Variants in B3GALT1 observed in about 807,000 individuals in gnomAD.
B3GALT1 encodes the protein UDP-Gal:betaGlcNAc beta 1,3-galactosyltransferase, polypeptide 1.
Under a neutral mutation model 23.2 loss-of-function variants are expected in B3GALT1, and 10 were observed. The ratio of observed to expected loss-of-function variants is 0.43; its 90% CI spans 0.27 to 0.73. B3GALT1 has a LOEUF of 0.73. Ranked by LOEUF, B3GALT1 falls within the 30% of genes least tolerant of loss-of-function variation. The probability of loss-of-function intolerance (pLI) is 0.21; values close to 1 mark genes in which losing one functional copy is unlikely to be tolerated. For missense variants in B3GALT1, 299 were observed against 405.4 expected (o/e 0.74, Z 2.25); for synonymous variants, 156 against 141.5 (o/e 1.10, Z -0.73).
chr2:167,698,896 CTT>C (rs1266189649), intron 3 of B3GALT1, among the ~76,000 whole-genome samples: 1 of 152,174 alleles, frequency 6.6e-6, no homozygotes, highest in Non-Finnish European at 1.5e-5. Context: ...TTTTTCTCTA[CTT>C]ATCATTGAAT....
intron 3 of B3GALT1, among the ~76,000 whole-genome samples, chr2:167,739,287 G>C (rs1687538457): frequency 6.6e-6 from 1 of 152,168 alleles, no homozygotes; most frequent in African/African-American, 2.4e-5. Flanking sequence ...AGGATAGCTT[G>C]GTGAAGTGAT....
intron 2 of B3GALT1, among the ~76,000 whole-genome samples, chr2:167,513,668 T>C (rs368617401): frequency 2.6e-5 from 4 of 152,144 alleles, no homozygotes; most frequent in African/African-American, 9.7e-5. Flanking sequence ...GAACCAAAAT[T>C]AGCAAACTCT....
chr2:167,546,608 T>G (rs1324320988), intron 2 of B3GALT1, among the ~76,000 whole-genome samples: 5 of 152,082 alleles, frequency 3.3e-5, no homozygotes, highest in African/African-American at 1.2e-4. Flanking sequence ...GTAAGCTAAT[T>G]CTTCACTACA....
At chr2:167,861,568 C>T (rs1014279319) in intron 4 of B3GALT1, among the ~76,000 whole-genome samples, 4 of 152,136 alleles carry the variant, frequency 2.6e-5, no homozygotes, top group Non-Finnish European at 5.9e-5. Context: ...GAGACAAAAA[C>T]TTAGTAAAAG....
chr2:167,860,955 T>A (rs1690088424), intron 4 of B3GALT1, among the ~76,000 whole-genome samples: 1 of 152,132 alleles, frequency 6.6e-6, no homozygotes, highest in South Asian at 2.1e-4. Context: ...TAATTACAAA[T>A]TTTTCAACCT....
intron 2 of B3GALT1, among the ~76,000 whole-genome samples, chr2:167,570,124 CTCT>C (rs1323807482): frequency 6.6e-6 from 1 of 151,584 alleles, no homozygotes; most frequent in Non-Finnish European, 1.5e-5. Context: ...TGGTTTGTAC[CTCT>C]TCTTACATTG....
chr2:167,542,448 T>C (rs1163151800), intron 2 of B3GALT1, among the ~76,000 whole-genome samples: 1 of 152,130 alleles, frequency 6.6e-6, no homozygotes. Context: ...TTCCCTAAAA[T>C]CTCCATGTTG....
chr2:167,559,000 GCCT>G (rs1362373532), intron 2 of B3GALT1, among the ~76,000 whole-genome samples: 2 of 152,228 alleles, frequency 1.3e-5, no homozygotes, highest in Admixed American at 6.5e-5. Context: ...CGGGCAGACT[GCCT>G]CCTCAAGTGG....
intron 1 of B3GALT1, among the ~76,000 whole-genome samples, chr2:167,376,982 A>G (rs1381991488): frequency 1.3e-5 from 2 of 152,140 alleles, no homozygotes; most frequent in Non-Finnish European, 1.5e-5. Context: ...ACTTAGCGCT[A>G]TAAACTTTGT....
intron 4 of B3GALT1, among the ~76,000 whole-genome samples, chr2:167,859,533 G>T (rs1004957710): frequency 6.6e-6 from 1 of 152,032 alleles, no homozygotes; most frequent in Non-Finnish European, 1.5e-5. Flanking sequence ...TCCTCTTTCA[G>T]GTCGGCCCCA....
chr2:167,336,956 T>A (rs1421643993), intron 1 of B3GALT1, among the ~76,000 whole-genome samples: 1 of 152,124 alleles, frequency 6.6e-6, no homozygotes, highest in African/African-American at 2.4e-5. Context: ...ACAGTTGGGT[T>A]ATGGTGCAAA....
intron 1 of B3GALT1, among the ~76,000 whole-genome samples, chr2:167,313,417 G>A (rs1309115960): frequency 6.6e-6 from 1 of 152,098 alleles, no homozygotes; most frequent in Non-Finnish European, 1.5e-5. Flanking sequence ...ACGAGTAATA[G>A]AATAGTTTTA....
intron 2 of B3GALT1, among the ~76,000 whole-genome samples, chr2:167,563,178 C>G (rs1480952846): frequency 6.6e-6 from 1 of 151,872 alleles, no homozygotes; most frequent in African/African-American, 2.4e-5. Flanking sequence ...ACCTCCCAGA[C>G]AGGGTGGTGG....
intron 3 of B3GALT1, among the ~76,000 whole-genome samples, chr2:167,766,867 T>G (rs915701975): frequency 1.3e-5 from 2 of 152,144 alleles, no homozygotes; most frequent in Admixed American, 1.3e-4. Flanking sequence ...AACAAAAAAG[T>G]GCCTTAAGCA....
rs111840904 is a variant in B3GALT1, at chr2:167,329,065, G to A, written c.-511+35731G>A. 2.8e-3 allele frequency among the ~76,000 whole-genome samples: 421 copies of A among 151,910 alleles called. 2 individuals carry two copies. The highest frequency in any genetic ancestry group is 9.3e-3 in the African/African-American group (386 of 41,428). ...TGACCTCAGGTGATCCACCTACCTC[G>A]GCCTCCCAAAGTGCTGGGATTACAC... is the stretch of plus-strand genomic sequence containing the variant. On this transcript the variant is annotated intron_variant, in intron 1 of 4. Coordinates refer to ENST00000392690, the MANE Select transcript of B3GALT1 (RefSeq NM_020981.4).
At chr2:167,685,943 G>T (rs989347906) in intron 3 of B3GALT1, among the ~76,000 whole-genome samples, 2 of 151,998 alleles carry the variant, frequency 1.3e-5, no homozygotes, top group African/African-American at 4.8e-5. Context: ...AAATAAAAAA[G>T]GTCACTTTTA....
intron 2 of B3GALT1, among the ~76,000 whole-genome samples, chr2:167,576,520 G>GTTTTTTT (rs67961883): frequency 8.2e-6 from 1 of 122,424 alleles, no homozygotes. Context: ...TTGTTTTTCT[G>GTTTTTTT]TTTTTTTTTT....
chr2:167,684,439 G>A (rs1286898667), intron 3 of B3GALT1, among the ~76,000 whole-genome samples: 1 of 152,116 alleles, frequency 6.6e-6, no homozygotes, highest in East Asian at 1.9e-4. Flanking sequence ...TCTGCATTCG[G>A]TCCTGGCTCT....
At chr2:167,419,767 C>T (rs1244779702) in intron 1 of B3GALT1, among the ~76,000 whole-genome samples, 1 of 152,138 alleles carries the variant, frequency 6.6e-6, no homozygotes, top group African/African-American at 2.4e-5. Flanking sequence ...TTTTCAGTGG[C>T]TGTTTACTTT....
Sources: gnomAD v4.1 joint callset for allele counts (sites outside exome capture counted in the v4.1 genomes callset) on GRCh38, gnomAD v4.1.1 for gene constraint, MANE v1.5 for transcripts, NCBI Gene and HGNC (gene_info 2026-07-23, HGNC 2026-07-21) for gene names.